TTC7B: variants seen among roughly 807,000 people sequenced by gnomAD.
TTC7B encodes the protein tetratricopeptide repeat protein 7B.
Under a neutral mutation model 106.8 loss-of-function variants are expected in TTC7B, and 28 were observed. The observed-to-expected ratio is 0.26, with a 90% CI of 0.19 to 0.36. The LOEUF (loss-of-function observed/expected upper bound fraction) is 0.36, where lower values mean the gene tolerates loss of function less well. Ranked by LOEUF, TTC7B falls within the 10% of genes least tolerant of loss-of-function variation. The pLI, the probability that TTC7B is intolerant of heterozygous loss-of-function variation, is 1.00. For missense variants in TTC7B, 862 were observed against 1,076.4 expected, an observed-to-expected ratio of 0.80 and a Z score of 2.79; for synonymous variants, 405 against 430.6, an observed-to-expected ratio of 0.94 and a Z score of 0.74.
intron 19 of TTC7B, among the ~76,000 whole-genome samples, chr14:90,550,788 G>T (rs545879008): frequency 2.9e-4 from 44 of 152,284 alleles, no homozygotes; most frequent in African/African-American, 8.2e-4. Context: ...TACAGAAGAG[G>T]CTCTTGGGGA....
In TTC7B at chr14:90,529,781, G is replaced by C. The variant is rs1889239534; in HGVS notation, c.*11587C>G. 1 of 152,170 alleles carries C rather than the reference G, an allele frequency of 6.6e-6. No individual in the cohort carries two copies. The highest frequency in any genetic ancestry group is 2.4e-5 in the African/African-American group (1 of 41,430). 9.4% of individuals were successfully genotyped at this position (152,170 alleles called of 1,614,324 possible). The stretch of plus-strand genomic sequence containing the variant: ...GTGAGCTGGCATTACCCATTCCATT[G>C]TATGTGGCATGACAATGTGAAACCA... On this transcript the variant is annotated 3_prime_UTR_variant, in exon 20 of 20. Coordinates refer to ENST00000328459, the MANE Select transcript of TTC7B (RefSeq NM_001010854.2).
intron 5 of TTC7B, chr14:90,699,245 A>G (rs1887888707): frequency 2.2e-6 from 1 of 454,222 alleles, no homozygotes; most frequent in African/African-American, 2.0e-5. Flanking sequence ...CCAAGGAGGA[A>G]ATGTAAATGG....
At chr14:90,589,957 G>C (rs1332543873) in intron 18 of TTC7B, among the ~76,000 whole-genome samples, 4 of 152,148 alleles carry the variant, frequency 2.6e-5, no homozygotes, top group Non-Finnish European at 5.9e-5. Flanking sequence ...CAAAGTATAA[G>C]TCACCTTACA....
At chr14:90,554,423 G>A (rs1277510517) in intron 19 of TTC7B, among the ~76,000 whole-genome samples, 1 of 152,220 alleles carries the variant, frequency 6.6e-6, no homozygotes, top group Non-Finnish European at 1.5e-5. Context: ...CCGGGTGTTC[G>A]GGTTCCGGGG....
intron 19 of TTC7B, among the ~76,000 whole-genome samples, chr14:90,564,180 G>A (rs1890695791): frequency 6.6e-6 from 1 of 152,068 alleles, no homozygotes; most frequent in Non-Finnish European, 1.5e-5. Context: ...GGGCTGTAAA[G>A]TGGATGCTGT....
At chr14:90,730,232 CACATCCAAGCCT>C in intron 4 of TTC7B, 36 bp from the exon 5 acceptor site, 1 of 1,582,628 alleles carries the variant, frequency 6.3e-7, no homozygotes, top group Non-Finnish European at 8.5e-7. Context: ...TAATCAGATG[CACATCCAAGCCT>C]ACTTCCTTCA....
At chr14:90,735,596 C>T (rs1008069443) in intron 4 of TTC7B, among the ~76,000 whole-genome samples, 4 of 151,980 alleles carry the variant, frequency 2.6e-5, no homozygotes, top group African/African-American at 4.8e-5. Context: ...CAGTGGCTCA[C>T]GCCTGTAATC....
chr14:90,735,035 C>T (rs1351154854), intron 4 of TTC7B, among the ~76,000 whole-genome samples: 6 of 152,086 alleles, frequency 3.9e-5, no homozygotes, highest in East Asian at 1.9e-4. Flanking sequence ...CCACCTGCCT[C>T]GGCCTCCCAA....
intron 5 of TTC7B, among the ~76,000 whole-genome samples, chr14:90,725,542 A>G (rs574067692): frequency 3.3e-5 from 5 of 152,330 alleles, no homozygotes; most frequent in Non-Finnish European, 5.9e-5. Flanking sequence ...TGAGTGGTCT[A>G]TTTGTTTGAT....
intron 15 of TTC7B, among the ~76,000 whole-genome samples, chr14:90,637,866 T>C (rs1282162686): frequency 6.6e-6 from 1 of 152,216 alleles, no homozygotes; most frequent in Non-Finnish European, 1.5e-5. Context: ...CTTTAATCTC[T>C]TAAATAGTAC....
chr14:90,709,599 A>G (rs1365883624), intron 5 of TTC7B, among the ~76,000 whole-genome samples: 1 of 151,344 alleles, frequency 6.6e-6, no homozygotes, highest in East Asian at 2.0e-4. Flanking sequence ...TGACGAGTTA[A>G]TGGGTGCAGC....
chr14:90,800,760 A>G (rs112848277), intron 1 of TTC7B, among the ~76,000 whole-genome samples: 6,408 of 151,630 alleles, frequency 0.042, 184 homozygotes, highest in Non-Finnish European at 0.059. Context: ...GCAGTGAGCC[A>G]AGATTGCGCC....
intron 10 of TTC7B, 34 bp downstream of exon 10, chr14:90,658,270 G>A: frequency 3.2e-6 from 5 of 1,567,300 alleles, no homozygotes; most frequent in Non-Finnish European, 3.5e-6. Context: ...AATAGGAAAG[G>A]CATAAAAAAC....
At chr14:90,644,307 TC>T (rs1465987778) in intron 14 of TTC7B, 99 bp from the exon 15 acceptor site, 1 of 1,186,126 alleles carries the variant, frequency 8.4e-7, no homozygotes, top group Non-Finnish European at 1.2e-6. Flanking sequence ...CTTTTCAATG[TC>T]TGCTTCTCTT....
intron 2 of TTC7B, 121 bp downstream of exon 2, chr14:90,786,050 TAAG>T: frequency 8.4e-7 from 1 of 1,184,332 alleles, no homozygotes; most frequent in Non-Finnish European, 1.1e-6. Context: ...GGCCCGCTTC[TAAG>T]AAGACAAGCC....
At chr14:90,636,295 C>A (rs1324377373) in intron 15 of TTC7B, among the ~76,000 whole-genome samples, 1 of 151,652 alleles carries the variant, frequency 6.6e-6, no homozygotes, top group Non-Finnish European at 1.5e-5. Context: ...GACTTTGAAG[C>A]AAAATGCCTT....
At chr14:90,803,219 T>C (rs1297316666) in intron 1 of TTC7B, among the ~76,000 whole-genome samples, 1 of 151,878 alleles carries the variant, frequency 6.6e-6, no homozygotes, top group African/African-American at 2.4e-5. Flanking sequence ...CCTCCAGTGG[T>C]TCCACTCTCC....
chr14:90,714,557 A>G (rs1341646506), intron 5 of TTC7B, among the ~76,000 whole-genome samples: 1 of 151,780 alleles, frequency 6.6e-6, no homozygotes, highest in Non-Finnish European at 1.5e-5. Context: ...CCCGGGTTCA[A>G]GAGATTCTCC....
At position 90,598,297 on chromosome 14, in the gene TTC7B, C is replaced by A. The variant is rs554540446; in HGVS notation, c.1967-4671G>T. On this transcript the variant is annotated intron_variant, in intron 17 of 19. Coordinates refer to ENST00000328459, the MANE Select transcript of TTC7B (RefSeq NM_001010854.2). Reference sequence around the variant, plus strand: ...TGCAAGGGCGTGTGACGTCCTGGAGCGGAGGCCATCTGCATTTCCACAAGC... The same window carrying A: ...TGCAAGGGCGTGTGACGTCCTGGAGAGGAGGCCATCTGCATTTCCACAAGC... Among the ~76,000 whole-genome samples the A allele has an allele frequency of 2.0e-3, 302 of 152,314 alleles. 1 individual carries two copies. The highest frequency in any genetic ancestry group is 7.1e-3 in the African/African-American group (296 of 41,576).
Sources: gnomAD v4.1 joint callset for allele counts (sites outside exome capture counted in the v4.1 genomes callset) on GRCh38, gnomAD v4.1.1 for gene constraint, MANE v1.5 for transcripts, NCBI Gene and HGNC (gene_info 2026-07-23, HGNC 2026-07-21) for gene names.